Variants in GAD2 observed in about 807,000 individuals in gnomAD.
GAD2 encodes 65 kDa glutamic acid decarboxylase.
In GAD2, 22 loss-of-function variants were observed where a neutral mutation model predicts 80.1. That is an observed-to-expected ratio of 0.27 (90% CI 0.20 to 0.39). The LOEUF is 0.39. Ranked by LOEUF, GAD2 falls within the 10% of genes least tolerant of loss-of-function variation. The probability of loss-of-function intolerance (pLI) is 1.00; values close to 1 mark genes in which losing one functional copy is unlikely to be tolerated. For synonymous variants in GAD2, 274 were observed against 256.9 expected (o/e 1.07, Z -0.64); for missense variants, 624 against 738.4 (o/e 0.85, Z 1.80).
At chr10:26,246,723 G>A (rs1844814778) in intron 8 of GAD2, among the ~76,000 whole-genome samples, 1 of 152,180 alleles carries the variant, frequency 6.6e-6, no homozygotes, top group Non-Finnish European at 1.5e-5. Context: ...CTCTAGAAAA[G>A]CACCATACGT....
intron 8 of GAD2, among the ~76,000 whole-genome samples, chr10:26,256,300 G>A (rs1400695718): frequency 2.6e-5 from 4 of 151,816 alleles, no homozygotes; most frequent in Non-Finnish European, 4.4e-5. Context: ...CAGACATCAC[G>A]CTGTTTTACC....
intron 11 of GAD2, among the ~76,000 whole-genome samples, chr10:26,276,527 A>G (rs887135352): frequency 2.6e-5 from 4 of 152,062 alleles, no homozygotes; most frequent in Non-Finnish European, 2.9e-5. Flanking sequence ...GGTTACAGGT[A>G]TGCGCCACCA....
At chr10:26,242,222 G>A (rs1436614316) in intron 7 of GAD2, among the ~76,000 whole-genome samples, 4 of 152,168 alleles carry the variant, frequency 2.6e-5, no homozygotes, top group African/African-American at 9.7e-5. Context: ...TCCTGACCTC[G>A]TGATCCGCCT....
At chr10:26,289,036 C>T (rs148663786) in intron 13 of GAD2, among the ~76,000 whole-genome samples, 28 of 152,112 alleles carry the variant, frequency 1.8e-4, no homozygotes, top group East Asian at 1.2e-3. Flanking sequence ...GACATCTAGC[C>T]GCAAAAACTT....
chr10:26,248,235 T>C (rs1279778984), intron 8 of GAD2, among the ~76,000 whole-genome samples: 2 of 152,206 alleles, frequency 1.3e-5, no homozygotes, highest in African/African-American at 4.8e-5. Flanking sequence ...TGGGATATCT[T>C]GAAGCAGGAC....
At chr10:26,228,432 A>G (rs960754695) in intron 6 of GAD2, among the ~76,000 whole-genome samples, 27 of 152,202 alleles carry the variant, frequency 1.8e-4, no homozygotes, top group Admixed American at 6.5e-4. Context: ...CAATTCTATT[A>G]TTTCAATGAT....
At chr10:26,292,338 A>G (rs1834224981) in intron 13 of GAD2, 127 bp from the exon 14 acceptor site, 3 of 656,388 alleles carry the variant, frequency 4.6e-6, no homozygotes, top group Non-Finnish European at 8.0e-6. Flanking sequence ...CTTTGGAAAC[A>G]GCCTTGTGTT....
Position 26,246,715 on chromosome 10 carries a change from C to G in GAD2, c.920+715C>G, listed in dbSNP as rs1012674978. On this transcript the variant is annotated intron_variant, in intron 8 of 15. Transcript: ENST00000376261. Reference sequence around the variant, plus strand: ...TGATTGCCCACCATGTCACTAGGCTCTAGAAAAGCACCATACGTTGATCCC... The same window carrying G: ...TGATTGCCCACCATGTCACTAGGCTGTAGAAAAGCACCATACGTTGATCCC... Among the ~76,000 whole-genome samples, 12 of 152,176 alleles carry G rather than the reference C, an allele frequency of 7.9e-5. No individual in the cohort carries two copies. In the East Asian group the frequency reaches 1.7e-3, roughly 22 times the overall value.
At chr10:26,273,233 T>A (rs1564668145) in intron 10 of GAD2, among the ~76,000 whole-genome samples, 3 of 152,246 alleles carry the variant, frequency 2.0e-5, no homozygotes. Flanking sequence ...TCATTTAGAC[T>A]TGTCAAAAGA....
chr10:26,263,921 TG>T (rs1314909430), intron 8 of GAD2, among the ~76,000 whole-genome samples: 2 of 152,170 alleles, frequency 1.3e-5, no homozygotes, highest in Admixed American at 1.3e-4. Context: ...GAAGTCAACC[TG>T]AAAAGTTTTT....
At chr10:26,232,468 AC>A (rs1156522320) in intron 7 of GAD2, among the ~76,000 whole-genome samples, 1,480 of 131,602 alleles carry the variant, frequency 0.011, 34 homozygotes, top group African/African-American at 0.039. Context: ...AACTCAGTCT[AC>A]TTTTTTTTTT....
intron 8 of GAD2, among the ~76,000 whole-genome samples, chr10:26,253,284 A>C (rs1312315548): frequency 1.3e-5 from 2 of 152,216 alleles, no homozygotes; most frequent in African/African-American, 4.8e-5. Flanking sequence ...AGATTTCATA[A>C]GTTACAGCTT....
At position 26,217,816 on chromosome 10, in the gene GAD2, G is replaced by T. The variant is rs1844396866; in HGVS notation, c.137-26G>T. On this transcript the variant is annotated intron_variant, in intron 2 of 15. Transcript: ENST00000376261. This position sits in a 1 kb window ranked among gnomAD's most constrained non-coding sequence, Gnocchi z 4.9. The stretch of plus-strand genomic sequence containing the variant: ...GCCGGGCCCGGCGGAGGATTGACGA[G>T]GCCCGCGTTCGGTGTCCTTACCCAG... 1 of 1,588,184 alleles carries T rather than the reference G, an allele frequency of 6.3e-7. No homozygotes were observed. The highest frequency in any genetic ancestry group is 2.3e-5 in the East Asian group (1 of 43,844).
chr10:26,295,444 T>C (rs1834263222), intron 15 of GAD2, among the ~76,000 whole-genome samples: 2 of 151,462 alleles, frequency 1.3e-5, no homozygotes. Context: ...TCTGGAAAGT[T>C]CTTTATTAAG....
At chr10:26,237,716 A>T (rs1844692356) in intron 7 of GAD2, among the ~76,000 whole-genome samples, 1 of 152,100 alleles carries the variant, frequency 6.6e-6, no homozygotes, top group Non-Finnish European at 1.5e-5. Context: ...TTTAAGAAGT[A>T]AAGTGAATTA....
At chr10:26,239,102 C>T (rs192042741) in intron 7 of GAD2, among the ~76,000 whole-genome samples, 4 of 152,188 alleles carry the variant, frequency 2.6e-5, no homozygotes, top group Non-Finnish European at 5.9e-5. Context: ...CCATTCCCCA[C>T]ACACCCACTA....
At chr10:26,291,607 C>G (rs1463193244) in intron 13 of GAD2, among the ~76,000 whole-genome samples, 3 of 152,200 alleles carry the variant, frequency 2.0e-5, no homozygotes, top group Non-Finnish European at 2.9e-5. Flanking sequence ...TCTAGGTTCT[C>G]TGCTGGAGAA....
intron 9 of GAD2, 82 bp downstream of exon 9, chr10:26,269,255 TA>T (rs1292546924): frequency 2.5e-6 from 3 of 1,179,240 alleles, no homozygotes; most frequent in East Asian, 4.8e-5. Flanking sequence ...GGTTTTATTT[TA>T]AAAAGAGGAT....
intron 11 of GAD2, among the ~76,000 whole-genome samples, chr10:26,275,667 C>T (rs1296883986): frequency 6.6e-6 from 1 of 152,200 alleles, no homozygotes; most frequent in African/African-American, 2.4e-5. Flanking sequence ...GTTGGAAGAC[C>T]AGTGGAAACC....
Sources: allele counts gnomAD v4.1 joint callset (sites outside exome capture counted in the v4.1 genomes callset), GRCh38; gene constraint gnomAD v4.1.1; non-coding constraint Gnocchi (gnomAD v3.1); transcripts MANE v1.5; gene names NCBI Gene and HGNC (gene_info 2026-07-23, HGNC 2026-07-21).